Variants in GDF1 observed in about 807,000 individuals in gnomAD.
GDF1 encodes the protein embryonic growth/differentiation factor 1.
In GDF1, 8 loss-of-function variants were observed where a neutral mutation model predicts 7.4. The observed-to-expected ratio is 1.09, with a 90% CI of 0.64 to 1.96. The LOEUF (loss-of-function observed/expected upper bound fraction) is 1.96. Among genes scored for constraint, GDF1 ranks in the 30% most tolerant of loss-of-function variants. GDF1 has a pLI of 0.00. For synonymous variants in GDF1, 311 were observed against 276.7 expected (o/e 1.12, Z -1.23); for missense variants, 574 against 551.5 (o/e 1.04, Z -0.41).
chr19:18,893,893 C>G (rs1277693624), intron 1 of GDF1, among the ~76,000 whole-genome samples: 1 of 144,526 alleles, frequency 6.9e-6, no homozygotes, highest in Non-Finnish European at 1.5e-5. Context: ...TGCGTCAGCC[C>G]AAGGGAGTTG....
rs2055915112 is a variant in GDF1, at chr19:18,869,263, G to C, written c.453C>G (p.Phe151Leu). 2.7e-6 allele frequency: 4 copies of C among 1,458,872 alleles called. No homozygotes were observed. Among genetic ancestry groups the C allele is most frequent in the Non-Finnish European group, 3.6e-6 (4 of 1,115,978 alleles). 90.4% of individuals were successfully genotyped at this position (1,458,872 alleles called of 1,614,324 possible). Residue 151 changes from phenylalanine (F) to leucine (L), a missense_variant, in exon 8 of 8, where the codon TTC becomes TTG. Phe to Leu is a conservative substitution (Grantham distance 22). Transcript: ENST00000247005. ...RPSRARLELR[F>L]AAAAAAAPEG... is the part of the protein sequence containing the mutation. Reference sequence around the variant, plus strand: ...CCGGGGCTGCCGCCGCCGCCGCCGCGAAACGCAGCTCCAGGCGGGCCCGGC... The same window carrying C: ...CCGGGGCTGCCGCCGCCGCCGCCGCCAAACGCAGCTCCAGGCGGGCCCGGC...
Position 18,870,715 on chromosome 19 carries a change from C to T in GDF1, c.-312-96G>A. 1 of 476,008 alleles carries T rather than the reference C, an allele frequency of 2.1e-6. No individual in the cohort carries two copies. The highest frequency in any genetic ancestry group is 3.8e-6 in the Non-Finnish European group (1 of 262,610). 29.5% of individuals were successfully genotyped at this position (476,008 alleles called of 1,614,324 possible). A position where few individuals can be genotyped will look rare whatever the true frequency, so the allele number is the denominator to read the frequency against. On this transcript the variant is annotated intron_variant, in intron 6 of 7. Transcript: ENST00000247005. This position sits in a 1 kb window ranked among gnomAD's most constrained non-coding sequence, Gnocchi z 5.1. ...TCTCTGGCCGTTTCACACCCCCTGG[C>T]TCCTTTTACCCGGCCAGGCCCGGGC...
rs1234438533 is a variant in GDF1, at chr19:18,895,594, T to C, written c.-1074+230A>G. Among the ~76,000 whole-genome samples the C allele has an allele frequency of 6.8e-6, 1 of 147,888 alleles. No homozygotes were observed. The highest frequency in any genetic ancestry group is 1.5e-5 in the Non-Finnish European group (1 of 66,970). ...CGGCCACACCCCCGCATCTACCCGG[T>C]TCCCCCACGCAGCACTGTCTGAAGG... On this transcript the variant is annotated intron_variant, in intron 1 of 7. Transcript: ENST00000247005. The surrounding 1 kb of genome is among the most constrained non-coding windows in gnomAD (Gnocchi z 6.4).
In GDF1 at chr19:18,877,077, A is replaced by G. The variant is rs555619546; in HGVS notation, c.-313+1853T>C. 3.1e-4 allele frequency among the ~76,000 whole-genome samples: 47 copies of G among 152,222 alleles called. 1 individual carries two copies. In the South Asian group the frequency reaches 9.7e-3, roughly 32 times the overall value. The stretch of plus-strand genomic sequence containing the variant: ...TTCGTCCCATCCTGTTTTATACCCA[A>G]CTGCACTAACTCCGGCTGTCCTTGG... On this transcript the variant is annotated intron_variant, in intron 6 of 7. Coordinates refer to ENST00000247005, the MANE Select transcript of GDF1 (RefSeq NM_001492.6).
At chr19:18,872,706 C>T (rs377436412) in intron 6 of GDF1, among the ~76,000 whole-genome samples, 69,552 of 151,624 alleles carry the variant, frequency 0.46, 16,130 homozygotes, top group South Asian at 0.6. Context: ...AGTAGAGATG[C>T]GGTTTTACCA....
At chr19:18,884,426 T>G (rs1225069634) in intron 2 of GDF1, among the ~76,000 whole-genome samples, 159 bp from the exon 3 acceptor site, 1 of 151,824 alleles carries the variant, frequency 6.6e-6, no homozygotes, top group Admixed American at 6.6e-5. Context: ...TATTTTTTTT[T>G]TTTTTTCTTT....
At chr19:18,883,581 T>C (rs905899412) in intron 3 of GDF1, among the ~76,000 whole-genome samples, 2 of 151,998 alleles carry the variant, frequency 1.3e-5, no homozygotes, top group Non-Finnish European at 2.9e-5. Flanking sequence ...ATATTTTCAC[T>C]CGTTTGTATG....
chr19:18,893,258 A>G (rs539348355), intron 2 of GDF1, among the ~76,000 whole-genome samples, 158 bp downstream of exon 2: 4 of 152,230 alleles, frequency 2.6e-5, no homozygotes, highest in Non-Finnish European at 5.9e-5. Flanking sequence ...TCTGTCGTCC[A>G]GGCTGGAGTG....
At chr19:18,876,858 CAT>C (rs1355942937) in intron 6 of GDF1, among the ~76,000 whole-genome samples, 1 of 152,174 alleles carries the variant, frequency 6.6e-6, no homozygotes, top group African/African-American at 2.4e-5. Flanking sequence ...AAACTCTCCA[CAT>C]GATTTGAATT....
At chr19:18,880,464 G>A (rs1386914825) in intron 3 of GDF1, 29 bp from the exon 4 acceptor site, 2 of 1,553,586 alleles carry the variant, frequency 1.3e-6, no homozygotes, top group Non-Finnish European at 1.7e-6. Flanking sequence ...GAGAGGAGAG[G>A]GCAGCTCACA....
At chr19:18,881,466 C>T (rs886830103) in intron 3 of GDF1, among the ~76,000 whole-genome samples, 7 of 152,026 alleles carry the variant, frequency 4.6e-5, no homozygotes, top group Admixed American at 1.3e-4. Flanking sequence ...GTGACCCACC[C>T]GCCTTGGCCT....
At chr19:18,886,174 G>C (rs2056353480) in intron 2 of GDF1, among the ~76,000 whole-genome samples, 1 of 150,920 alleles carries the variant, frequency 6.6e-6, no homozygotes, top group Non-Finnish European at 1.5e-5. Context: ...GAGAGGCCGA[G>C]GCAGGAGAGT....
Position 18,880,316 on chromosome 19 carries a change from G to T in GDF1, c.-613C>A. 6.4e-7 allele frequency: 1 copy of T among 1,552,994 alleles called. No homozygotes were observed. The highest frequency in any genetic ancestry group is 8.7e-7 in the Non-Finnish European group (1 of 1,148,378). On this transcript the variant is annotated 5_prime_UTR_variant, in exon 4 of 8. Coordinates refer to ENST00000247005, the MANE Select transcript of GDF1 (RefSeq NM_001492.6). ...GAGGCAGCCCAAGTCTGCTGCCAAGGCATGCAGCCGATGGTAGGAGCCGCC... is the reference window on the plus strand; with the variant it reads ...GAGGCAGCCCAAGTCTGCTGCCAAGTCATGCAGCCGATGGTAGGAGCCGCC...
At chr19:18,875,064 G>T (rs76969770) in intron 6 of GDF1, among the ~76,000 whole-genome samples, 1 of 151,754 alleles carries the variant, frequency 6.6e-6, no homozygotes, top group East Asian at 1.9e-4. Flanking sequence ...GTGAGATCTC[G>T]TCTCTACAAA....
intron 6 of GDF1, among the ~76,000 whole-genome samples, chr19:18,872,809 T>C (rs887456179): frequency 1.3e-5 from 2 of 150,598 alleles, no homozygotes; most frequent in Non-Finnish European, 1.5e-5. Flanking sequence ...GCGCCGCGCC[T>C]GGCTAATTTT....
rs1601173083 is a variant in GDF1, at chr19:18,884,252, A to T, written c.-898T>A. 1 of 1,612,670 alleles carries T rather than the reference A, an allele frequency of 6.2e-7. No homozygotes were observed. The highest frequency in any genetic ancestry group is 8.5e-7 in the Non-Finnish European group (1 of 1,179,604). ...GGCTGCAATGTCCCGTGGCACTGCC[A>T]TGCCCGGCGTCCAGTCTGGGGAGAG... On this transcript the variant is annotated 5_prime_UTR_variant, in exon 3 of 8. It removes an upstream start codon present in the reference 5' UTR. Coordinates refer to ENST00000247005, the MANE Select transcript of GDF1 (RefSeq NM_001492.6).
chr19:18,870,234 GGCAGCGAGGGCA>G lies in GDF1; in HGVS notation c.62_73del (p.Leu21_Leu24del), dbSNP rs1179919756. 3.9e-6 allele frequency: 6 copies of G among 1,552,600 alleles called. No individual in the cohort carries two copies. The highest frequency in any genetic ancestry group is 5.2e-6 in the Non-Finnish European group (6 of 1,152,588). Reference sequence around the variant, plus strand: ...TGGGGGCACGGGGGCGCGGGTCAGGGGCAGCGAGGGCAGCAGCAGGGCCAGGAGGAGGAGGAG... The same window carrying G: ...TGGGGGCACGGGGGCGCGGGTCAGGGGCAGCAGGGCCAGGAGGAGGAGGAG... On this transcript the variant is annotated inframe_deletion, in exon 7 of 8. Coordinates refer to ENST00000247005, the MANE Select transcript of GDF1 (RefSeq NM_001492.6). The surrounding 1 kb of genome is among the most constrained non-coding windows in gnomAD (Gnocchi z 5.1).
At chr19:18,887,908 TCCCCATTCCCCTCCCCCAGCCCTGGCACC>T (rs2056399721) in intron 2 of GDF1, among the ~76,000 whole-genome samples, 1 of 152,052 alleles carries the variant, frequency 6.6e-6, no homozygotes, top group South Asian at 2.1e-4. Context: ...AAACAGTCTC[TCCCCATTCCCCTCCCCCAGCCCTGGCACC>T]CCCCATCCCA....
At position 18,884,378 on chromosome 19, in the gene GDF1, C is replaced by T. The variant is rs2056297303; in HGVS notation, c.-913-111G>A. The stretch of plus-strand genomic sequence containing the variant: ...ACGTGTCCTCCCAGTACCCAGGTAA[C>T]CATGCGTGTCTGACTGCTGGCTTTC... On this transcript the variant is annotated intron_variant, in intron 2 of 7. Transcript: ENST00000247005. 3.1e-6 allele frequency: 3 copies of T among 969,650 alleles called. No homozygotes were observed. The South Asian group carries it at 5.4e-5, about 18-fold the overall frequency. The allele number at this position is 969,650 out of a possible 1,614,324, so 60.1% of individuals were successfully genotyped here.
Sources: allele counts gnomAD v4.1 joint callset (sites outside exome capture counted in the v4.1 genomes callset), GRCh38; gene constraint gnomAD v4.1.1; non-coding constraint Gnocchi (gnomAD v3.1); transcripts MANE v1.5; gene names NCBI Gene and HGNC (gene_info 2026-07-23, HGNC 2026-07-21).